Variants in ATP11C observed in about 807,000 individuals in gnomAD.
ATP11C encodes phospholipid-transporting ATPase IG.
In ATP11C, 36 loss-of-function variants were observed where a neutral mutation model predicts 97.4. The observed-to-expected ratio is 0.37, with a 90% CI of 0.28 to 0.49. ATP11C has a LOEUF of 0.49. ATP11C is among the 20% of genes least tolerant of loss of function. The pLI is 0.98. For synonymous variants in ATP11C, 275 were observed against 290.9 expected, an observed-to-expected ratio of 0.95 and a Z score of 0.56; for missense variants, 730 against 824.6, an observed-to-expected ratio of 0.89 and a Z score of 1.40.
chrX:139,803,685 C>CTTTTTTTTTTTTTTTTTTTT (rs140315105), intron 6 of ATP11C, among the ~76,000 whole-genome samples: 1 of 38,265 alleles, frequency 2.6e-5, no homozygotes, highest in Non-Finnish European at 4.7e-5. Context: ...TACACCCTAT[C>CTTTTTTTTTTTTTTTTTTTT]TTTTTTTTTT....
At chrX:139,855,504 CTCA>C (rs1306168080) in intron 1 of ATP11C, among the ~76,000 whole-genome samples, 8 of 111,478 alleles carry the variant, frequency 7.2e-5, no homozygotes, top group African/African-American at 2.6e-4. Context: ...AAGGGATGGA[CTCA>C]TCATACCCGA....
chrX:139,803,818 C>A (rs1049678634), intron 6 of ATP11C, among the ~76,000 whole-genome samples: 16 of 103,411 alleles, frequency 1.5e-4, no homozygotes, highest in African/African-American at 5.7e-4. Context: ...ATTGCCTCAG[C>A]CTCCCGAGTA....
chrX:139,826,752 T>C lies in ATP11C; in HGVS notation c.99A>G (p.Glu33=), dbSNP rs764453765. Residue 33 remains glutamate, a synonymous_variant, in exon 2 of 30, where the codon GAA becomes GAG. Transcript: ENST00000682941. ...FVGNHPVSET[E]AYIAQRFCDN... is the part of the protein sequence containing the mutation. ...CACAAAATCTTTGTGCAATGTAAGC[T>C]TCTGTTTCCGAAACTGGATGATTGC... 2 of 1,206,189 alleles carry C rather than the reference T, an allele frequency of 1.7e-6. No homozygotes were observed. The highest frequency in any genetic ancestry group is 3.0e-5 in the East Asian group (1 of 33,640).
At chrX:139,872,817 T>G (rs2148021420) in intron 1 of ATP11C, among the ~76,000 whole-genome samples, 1 of 112,197 alleles carries the variant, frequency 8.9e-6, no homozygotes, top group Admixed American at 9.5e-5. Flanking sequence ...ACAATCTCAT[T>G]AAAGTTACTG....
chrX:139,778,477 T>A (rs1390758140), intron 18 of ATP11C, among the ~76,000 whole-genome samples: 1 of 111,867 alleles, frequency 8.9e-6, no homozygotes, highest in Non-Finnish European at 1.9e-5. Flanking sequence ...TAACCTTGAA[T>A]GTAAATGGCC....
intron 1 of ATP11C, among the ~76,000 whole-genome samples, chrX:139,896,993 C>T (rs774139516): frequency 1.2e-4 from 13 of 110,687 alleles, no homozygotes; most frequent in Non-Finnish European, 1.3e-4. Flanking sequence ...TTTGGAAGGC[C>T]GAGGTGGGCA....
intron 2 of ATP11C, among the ~76,000 whole-genome samples, chrX:139,820,051 G>T (rs912991036): frequency 2.7e-5 from 3 of 111,322 alleles, no homozygotes; most frequent in Non-Finnish European, 5.7e-5. Context: ...GCCGGGTGTG[G>T]TGACGCACAC....
At chrX:139,821,619 T>C (rs992172409) in intron 2 of ATP11C, among the ~76,000 whole-genome samples, 1 of 112,249 alleles carries the variant, frequency 8.9e-6, no homozygotes, top group Non-Finnish European at 1.9e-5. Flanking sequence ...CAACTGTTAG[T>C]TGACCACTGT....
chrX:139,865,842 T>C (rs750627704), intron 1 of ATP11C, among the ~76,000 whole-genome samples: 7 of 111,262 alleles, frequency 6.3e-5, no homozygotes, highest in Non-Finnish European at 1.1e-4. Flanking sequence ...AACATTTATC[T>C]TACAAAGAAT....
At chrX:139,915,212 A>C (rs990352966) in intron 1 of ATP11C, among the ~76,000 whole-genome samples, 1 of 111,978 alleles carries the variant, frequency 8.9e-6, no homozygotes, top group Admixed American at 9.5e-5. Flanking sequence ...ATAAGGACTT[A>C]AATGAGACAC....
intron 1 of ATP11C, among the ~76,000 whole-genome samples, chrX:139,861,769 TACACACACACACACACACACAC>T (rs5904005): frequency 9.9e-6 from 1 of 101,319 alleles, no homozygotes; most frequent in Non-Finnish European, 2.0e-5. Context: ...AATCCTGTTA[TACACACACACACACACACACAC>T]ACACACACAC....
At chrX:139,732,051 T>A (rs1272683382) in intron 28 of ATP11C, among the ~76,000 whole-genome samples, 2 of 110,880 alleles carry the variant, frequency 1.8e-5, no homozygotes, top group Non-Finnish European at 3.8e-5. Context: ...GTAAGATGAG[T>A]CAATATGGTT....
upstream of ATP11C, among the ~76,000 whole-genome samples, chrX:139,933,854 A>G (rs539929350): frequency 2.0e-4 from 23 of 112,695 alleles, 2 homozygotes; most frequent in South Asian, 8.0e-3. Context: ...GGACACAGCG[A>G]TTTCTTAAAA....
chrX:139,846,893 T>G (rs1355680836), intron 1 of ATP11C, among the ~76,000 whole-genome samples: 1 of 107,393 alleles, frequency 9.3e-6, no homozygotes, highest in Non-Finnish European at 1.9e-5. Context: ...TGTGGCACTC[T>G]GCACTGCTTA....
rs181330087 is a variant in ATP11C, at chrX:139,914,724, T to C, written c.27+17292A>G. ...GCATTTTCCTGCCTTCAGAATTGAATAGTGACTCTTCCTGAGTCTTGAACC... is the reference window on the plus strand; with the variant it reads ...GCATTTTCCTGCCTTCAGAATTGAACAGTGACTCTTCCTGAGTCTTGAACC... On this transcript the variant is annotated intron_variant, in intron 1 of 29. Transcript: ENST00000682941. Among the ~76,000 whole-genome samples, 25 of 111,595 alleles carry C rather than the reference T, an allele frequency of 2.2e-4. 1 individual carries two copies. The highest frequency in any genetic ancestry group is 9.2e-3 in the Middle Eastern group (2 of 217).
chrX:139,843,424 G>A lies in ATP11C; in HGVS notation c.28-16601C>T, dbSNP rs545339244. 3.3e-4 allele frequency among the ~76,000 whole-genome samples: 37 copies of A among 112,199 alleles called. No individual in the cohort carries two copies. The South Asian group carries it at 0.014, about 42-fold the overall frequency. On this transcript the variant is annotated intron_variant, in intron 1 of 29. Coordinates refer to ENST00000682941, the MANE Select transcript of ATP11C (RefSeq NM_001353812.2). ...AGATCACCAAGGGTCATCAAGTTAT[G>A]TATGACCAGAGATGAAAATATAGTA...
chrX:139,768,457 T>C, intron 19 of ATP11C, 23 bp from the exon 20 acceptor site: 2 of 1,021,797 alleles, frequency 2.0e-6, no homozygotes, highest in African/African-American at 1.9e-5. Flanking sequence ...AACAATGCTA[T>C]GTTTGGATTT....
At position 139,843,780 on chromosome X, in the gene ATP11C, T is replaced by G. The variant is rs773417632; in HGVS notation, c.28-16957A>C. On this transcript the variant is annotated intron_variant, in intron 1 of 29. Coordinates refer to ENST00000682941, the MANE Select transcript of ATP11C (RefSeq NM_001353812.2). ...GTCTCAAAGGGGGTGATTATGTTGA[T>G]GACAACTTATAAAGCAATTATGAAA... is the stretch of plus-strand genomic sequence containing the variant. 1.2e-3 allele frequency among the ~76,000 whole-genome samples: 136 copies of G among 111,360 alleles called. 1 individual carries two copies. The highest frequency in any genetic ancestry group is 4.3e-3 in the African/African-American group (131 of 30,664).
intron 1 of ATP11C, among the ~76,000 whole-genome samples, chrX:139,854,888 T>C (rs2084065111): frequency 8.9e-6 from 1 of 111,961 alleles, no homozygotes; most frequent in Admixed American, 9.5e-5. Context: ...GTTGAAAGGG[T>C]ATCATCCAAT....
Sources: allele counts gnomAD v4.1 joint callset (sites outside exome capture counted in the v4.1 genomes callset), GRCh38; gene constraint gnomAD v4.1.1; transcripts MANE v1.5; gene names NCBI Gene and HGNC (gene_info 2026-07-23, HGNC 2026-07-21).